AJAP1: variants seen among roughly 807,000 people sequenced by gnomAD.
AJAP1 encodes the protein adherens junction-associated protein 1.
AJAP1 carries 5 observed loss-of-function variants against 35.0 expected under a neutral mutation model. The observed-to-expected ratio is 0.14, with a 90% CI of 0.07 to 0.30. The LOEUF (loss-of-function observed/expected upper bound fraction) is 0.30. AJAP1 is among the 10% of genes least tolerant of loss of function. AJAP1 has a pLI of 1.00. For missense variants in AJAP1, 586 were observed against 571.0 expected (o/e 1.03, Z -0.27); for synonymous variants, 284 against 249.3 (o/e 1.14, Z -1.31).
chr1:4,724,124 T>G (rs1557626609), intron 2 of AJAP1, among the ~76,000 whole-genome samples: 1 of 152,194 alleles, frequency 6.6e-6, no homozygotes, highest in Non-Finnish European at 1.5e-5. Context: ...CTGGGTGGCC[T>G]CCCCAGGCTG....
chr1:4,763,409 A>G (rs1641615437), intron 2 of AJAP1, among the ~76,000 whole-genome samples: 1 of 152,186 alleles, frequency 6.6e-6, no homozygotes, highest in African/African-American at 2.4e-5. Flanking sequence ...AGGACTTCCG[A>G]CGAGAGGAGA....
At chr1:4,725,112 G>T (rs1640621036) in intron 2 of AJAP1, among the ~76,000 whole-genome samples, 1 of 152,222 alleles carries the variant, frequency 6.6e-6, no homozygotes, top group Non-Finnish European at 1.5e-5. Context: ...TGGGGCGCCA[G>T]CTCAGCCAAG....
intron 1 of AJAP1, among the ~76,000 whole-genome samples, chr1:4,697,816 T>C (rs6669203): frequency 0.38 from 57,601 of 152,214 alleles, 11,265 homozygotes; most frequent in South Asian, 0.48. Context: ...AGGGCCAAGA[T>C]GCAGCGGCCA....
intron 2 of AJAP1, among the ~76,000 whole-genome samples, chr1:4,760,625 G>A (rs937010827): frequency 9.9e-5 from 15 of 152,194 alleles, no homozygotes; most frequent in Non-Finnish European, 1.9e-4. Flanking sequence ...CCTCCCATCT[G>A]TTGGGCCGCA....
chr1:4,697,474 A>C (rs940299311), intron 1 of AJAP1, among the ~76,000 whole-genome samples: 4 of 152,248 alleles, frequency 2.6e-5, no homozygotes, highest in Non-Finnish European at 5.9e-5. Context: ...GAAAATGCTG[A>C]TGGTGGCTGG....
intron 1 of AJAP1, among the ~76,000 whole-genome samples, chr1:4,706,516 C>T (rs748150566): frequency 5.3e-5 from 8 of 152,280 alleles, no homozygotes; most frequent in Non-Finnish European, 7.4e-5. Flanking sequence ...TGGGTGTCTT[C>T]GTGGAACGGC....
At chr1:4,768,568 G>A (rs1481733409) in intron 2 of AJAP1, among the ~76,000 whole-genome samples, 1 of 152,244 alleles carries the variant, frequency 6.6e-6, no homozygotes, top group East Asian at 1.9e-4. Context: ...ACACGCACAT[G>A]CAGTGTTCTC....
At chr1:4,684,261 A>G (rs748107525) in intron 1 of AJAP1, among the ~76,000 whole-genome samples, 2 of 152,204 alleles carry the variant, frequency 1.3e-5, no homozygotes, top group Non-Finnish European at 2.9e-5. Flanking sequence ...GGTGGAAACC[A>G]TGTTCATTCC....
chr1:4,758,713 TG>T (rs1641495505), intron 2 of AJAP1, among the ~76,000 whole-genome samples: 1 of 152,166 alleles, frequency 6.6e-6, no homozygotes, highest in African/African-American at 2.4e-5. Flanking sequence ...GGAGGTCCTA[TG>T]GGCATAGCAT....
chr1:4,697,975 G>A (rs991332311), intron 1 of AJAP1, among the ~76,000 whole-genome samples: 12 of 152,222 alleles, frequency 7.9e-5, no homozygotes, highest in African/African-American at 2.4e-4. Flanking sequence ...CACCAGCGTG[G>A]GGTGGTGGCG....
chr1:4,733,259 A>C (rs1640841982), intron 2 of AJAP1, among the ~76,000 whole-genome samples: 1 of 151,636 alleles, frequency 6.6e-6, no homozygotes, highest in Admixed American at 6.6e-5. Context: ...CTGCATACCC[A>C]AGACGTCAGT....
intron 2 of AJAP1, among the ~76,000 whole-genome samples, chr1:4,718,779 C>A (rs191513847): frequency 9.3e-4 from 141 of 152,314 alleles, no homozygotes; most frequent in Admixed American, 2.5e-3. Flanking sequence ...CCACGCCCGG[C>A]CTCCTAAGGC....
At chr1:4,756,807 AT>A (rs1457105115) in intron 2 of AJAP1, among the ~76,000 whole-genome samples, 3 of 152,302 alleles carry the variant, frequency 2.0e-5, no homozygotes, top group Non-Finnish European at 2.9e-5. Context: ...CCTACAAAGA[AT>A]TCCCACCTTG....
Position 4,712,535 on chromosome 1 carries a change from C to T in AJAP1, c.665C>T (p.Thr222Ile). 6.2e-7 allele frequency: 1 copy of T among 1,613,002 alleles called. No homozygotes were observed. The highest frequency in any genetic ancestry group is 8.5e-7 in the Non-Finnish European group (1 of 1,179,688). The change falls in exon 2 of 6, where the codon ACC becomes ATC. Residue 222 changes from threonine (T) to isoleucine (I), a missense_variant. Coordinates refer to ENST00000378191, the MANE Select transcript of AJAP1 (RefSeq NM_018836.4). ...ACAACTGTGGCCGCCACCACCACCACCACCACCACGGCCACCCCCATGACG... is the reference window on the plus strand; with the variant it reads ...ACAACTGTGGCCGCCACCACCACCATCACCACCACGGCCACCCCCATGACG... ...RKTTVAATTT[T>I]TTTATPMTLQ...
intron 4 of AJAP1, 104 bp from the exon 5 acceptor site, chr1:4,774,323 C>T (rs1641900092): frequency 5.6e-6 from 6 of 1,064,900 alleles, no homozygotes; most frequent in Admixed American, 1.8e-5. Context: ...TTAGTGCTTC[C>T]TTTCTCAAGA....
At chr1:4,728,685 C>T (rs901929247) in intron 2 of AJAP1, among the ~76,000 whole-genome samples, 7 of 152,110 alleles carry the variant, frequency 4.6e-5, no homozygotes, top group Non-Finnish European at 7.4e-5. Flanking sequence ...CCCAGGGGTC[C>T]GTCTACAGCG....
At chr1:4,740,972 A>G (rs74404323) in intron 2 of AJAP1, among the ~76,000 whole-genome samples, 26,227 of 151,924 alleles carry the variant, frequency 0.17, 2,915 homozygotes, top group Admixed American at 0.3. Context: ...GGCCAAGGAC[A>G]CTTCCTGAAT....
chr1:4,715,092 G>C (rs1640358667), intron 2 of AJAP1, among the ~76,000 whole-genome samples: 1 of 152,172 alleles, frequency 6.6e-6, no homozygotes, highest in South Asian at 2.1e-4. Context: ...AAGGAGTGCT[G>C]GGACAGAGGG....
chr1:4,744,672 C>A (rs1205555193), intron 2 of AJAP1, among the ~76,000 whole-genome samples: 1 of 152,078 alleles, frequency 6.6e-6, no homozygotes, highest in Non-Finnish European at 1.5e-5. Context: ...CAAGCACGCC[C>A]ACCCTCATGT....
Sources: allele counts gnomAD v4.1 joint callset (sites outside exome capture counted in the v4.1 genomes callset), GRCh38; gene constraint gnomAD v4.1.1; transcripts MANE v1.5; gene names NCBI Gene and HGNC (gene_info 2026-07-23, HGNC 2026-07-21).